F2: variants seen among roughly 807,000 people sequenced by gnomAD.
F2 encodes the protein coagulation factor II, thrombin, also known as prothrombin.
A neutral mutation model predicts 81.9 loss-of-function variants in F2; 34 were observed. That is an observed-to-expected ratio of 0.42 (90% CI 0.32 to 0.55). The LOEUF (loss-of-function observed/expected upper bound fraction) is 0.55. Among genes scored for constraint, F2 ranks in the 20% least tolerant of loss-of-function variants. F2 has a pLI of 0.18. For synonymous variants in F2, 296 were observed against 326.4 expected, an observed-to-expected ratio of 0.91 and a Z score of 1.01; for missense variants, 630 against 833.4, an observed-to-expected ratio of 0.76 and a Z score of 3.00.
chr11:46,723,299 C>T lies in F2; in HGVS notation c.422+14C>T, dbSNP rs770678289. 42 of 1,613,348 alleles carry T rather than the reference C, an allele frequency of 2.6e-5. No individual in the cohort carries two copies. In the Admixed American group the frequency reaches 4.0e-4, roughly 15 times the overall value. On this transcript the variant is annotated intron_variant, in intron 5 of 13. Transcript: ENST00000311907. The surrounding 1 kb of genome is among the most constrained non-coding windows in gnomAD (Gnocchi z 5.6). ...ACATAAGCCTGAGTGAGTGAGGGGC[C>T]GGCCTTCCCACCATGGGCTGAGAAC...
In F2 at chr11:46,728,664, G is replaced by C; in HGVS notation, c.1299G>C (p.Arg433Ser). The C allele has an allele frequency of 6.2e-7, 1 of 1,614,174 alleles. No homozygotes were observed. Among genetic ancestry groups the C allele is most frequent in the Non-Finnish European group, 8.5e-7 (1 of 1,180,034 alleles). ...CATTTCTTTCTTGGGGTCTCTGCAG[G>C]TACGAGCGAAACATTGAAAAGATAT... ...LVRIGKHSRT[R>S]YERNIEKISM... Residue 433 changes from arginine (R) to serine (S), a missense_variant and splice_region_variant, in exon 11 of 14, where the codon AGG becomes AGC. By Grantham distance (110) the Arg-to-Ser change is moderately radical. Coordinates refer to ENST00000311907, the MANE Select transcript of F2 (RefSeq NM_000506.5). The surrounding 1 kb of genome is among the most constrained non-coding windows in gnomAD (Gnocchi z 5.1).
intron 12 of F2, among the ~76,000 whole-genome samples, chr11:46,734,007 C>T (rs1480452641): frequency 6.6e-6 from 1 of 151,798 alleles, no homozygotes; most frequent in Admixed American, 6.6e-5. Context: ...AGGCTGGTCT[C>T]GAACTCCTTA....
chr11:46,738,432 A>C (rs887315925), intron 12 of F2, among the ~76,000 whole-genome samples: 1 of 151,848 alleles, frequency 6.6e-6, no homozygotes, highest in Non-Finnish European at 1.5e-5. Flanking sequence ...CTAACTTTTT[A>C]ATTTTTTAAT....
chr11:46,720,119 G>A, intron 2 of F2: 1 of 587,998 alleles, frequency 1.7e-6, no homozygotes. Context: ...ACCTGCCCTG[G>A]AGCTCTGTGT....
intron 12 of F2, 38 bp from the exon 13 acceptor site, chr11:46,739,010 G>A: frequency 6.2e-7 from 1 of 1,608,846 alleles, no homozygotes; most frequent in Non-Finnish European, 8.5e-7. Context: ...TGGGCTATGA[G>A]CTATGCTCCT....
chr11:46,729,315 G>C, intron 11 of F2, 65 bp from the exon 12 acceptor site: 1 of 1,548,282 alleles, frequency 6.5e-7, no homozygotes, highest in Non-Finnish European at 8.9e-7. Flanking sequence ...TCTAAGAAAT[G>C]GCGTTGGGGC....
chr11:46,725,777 A>G (rs910586958), intron 6 of F2, 82 bp from the exon 7 acceptor site: 63 of 1,493,460 alleles, frequency 4.2e-5, no homozygotes, highest in Admixed American at 1.3e-4. Context: ...GAAAGCAGCA[A>G]GACCGGGGTT....
In F2 at chr11:46,728,814, G is replaced by A. The variant is rs770910701; in HGVS notation, c.1449G>A (p.Leu483=). ...AFSDYIHPVC[L]PDRETAASLL... ...GTGACTACATTCACCCTGTGTGTCT[G>A]CCCGACAGGGAGACGGCAGCCAGGT... Residue 483 remains leucine (L), a synonymous_variant, in exon 11 of 14, where the codon CTG becomes CTA. Transcript: ENST00000311907. The surrounding 1 kb of genome is among the most constrained non-coding windows in gnomAD (Gnocchi z 5.1). The A allele has an allele frequency of 8.7e-6, 14 of 1,614,066 alleles. No homozygotes were observed. The South Asian group carries it at 1.5e-4, about 18-fold the overall frequency.
intron 12 of F2, among the ~76,000 whole-genome samples, chr11:46,734,670 G>A (rs1295980772): frequency 6.6e-6 from 1 of 152,092 alleles, no homozygotes; most frequent in Non-Finnish European, 1.5e-5. Flanking sequence ...AATTAGCTGG[G>A]CGTGGTGGCT....
Position 46,739,293 on chromosome 11 carries a change from T to C in F2, c.1754T>C (p.Met585Thr), listed in dbSNP as rs370229832. The C allele has an allele frequency of 2.2e-5, 35 of 1,614,022 alleles. No individual in the cohort carries two copies. Among genetic ancestry groups the C allele is most frequent in the East Asian group, 1.3e-4 (6 of 44,892 alleles). ...KSPFNNRWYQ[M>T]GIVSWGEGCD... The stretch of plus-strand genomic sequence containing the variant: ...CCCTTTAACAACCGCTGGTATCAAA[T>C]GGGCATCGTCTCATGGGGTGAAGGC... Residue 585 changes from methionine to threonine, a missense_variant, in exon 14 of 14, where the codon ATG (methionine) becomes ACG (threonine). Transcript: ENST00000311907.
intron 6 of F2, among the ~76,000 whole-genome samples, chr11:46,725,109 A>C (rs1440087625): frequency 1.1e-5 from 1 of 94,944 alleles, no homozygotes; most frequent in African/African-American, 4.3e-5. Context: ...TCACTCTGTC[A>C]CCCAGGCTGG....
At chr11:46,731,087 T>A (rs1303095104) in intron 12 of F2, among the ~76,000 whole-genome samples, 1 of 152,142 alleles carries the variant, frequency 6.6e-6, no homozygotes, top group Non-Finnish European at 1.5e-5. Flanking sequence ...TAGCTAATTT[T>A]TGTATTTGTA....
Position 46,726,217 on chromosome 11 carries a change from T to C in F2, c.874+44T>C, listed in dbSNP as rs781689523. Reference sequence around the variant, plus strand: ...GGGCCTGAGTTGCAGGGACAAATCCTGGTGGGAATAACAACAGCCGCTTCT... The same window carrying C: ...GGGCCTGAGTTGCAGGGACAAATCCCGGTGGGAATAACAACAGCCGCTTCT... On this transcript the variant is annotated intron_variant, in intron 7 of 13. Coordinates refer to ENST00000311907, the MANE Select transcript of F2 (RefSeq NM_000506.5). The surrounding 1 kb of genome is among the most constrained non-coding windows in gnomAD (Gnocchi z 5.9). 22 of 1,606,588 alleles carry C rather than the reference T, an allele frequency of 1.4e-5. No individual in the cohort carries two copies. The South Asian group carries it at 2.4e-4, about 18-fold the overall frequency.
intron 3 of F2, 52 bp downstream of exon 3, chr11:46,720,599 G>T: frequency 6.2e-7 from 1 of 1,607,790 alleles, no homozygotes; most frequent in South Asian, 1.1e-5. Flanking sequence ...GGACCCCAGT[G>T]AGAGAATTCT....
chr11:46,726,067 G>A lies in F2; in HGVS notation c.768G>A (p.Gln256=). 1 of 1,614,216 alleles carries A rather than the reference G, an allele frequency of 6.2e-7. No individual in the cohort carries two copies. The highest frequency in any genetic ancestry group is 8.5e-7 in the Non-Finnish European group (1 of 1,180,034). Residue 256 remains glutamine, a synonymous_variant, in exon 7 of 14, where the codon CAG becomes CAA. Coordinates refer to ENST00000311907, the MANE Select transcript of F2 (RefSeq NM_000506.5). This position sits in a 1 kb window ranked among gnomAD's most constrained non-coding sequence, Gnocchi z 5.9. Reference sequence around the variant, plus strand: ...ACCAGGACTTCAACTCAGCTGTGCAGCTGGTGGAGAACTTCTGCCGCAACC... The same window carrying A: ...ACCAGGACTTCAACTCAGCTGTGCAACTGGTGGAGAACTTCTGCCGCAACC... The part of the protein sequence containing the change: ...SKHQDFNSAV[Q]LVENFCRNPD...
intron 12 of F2, among the ~76,000 whole-genome samples, chr11:46,730,273 G>A (rs2064903287): frequency 6.6e-6 from 1 of 152,096 alleles, no homozygotes; most frequent in African/African-American, 2.4e-5. Context: ...TTGCACTCCA[G>A]CTGGGCAACA....
At chr11:46,720,499 T>A (rs201962988) in intron 2 of F2, 24 bp from the exon 3 acceptor site, 21 of 1,613,922 alleles carry the variant, frequency 1.3e-5, no homozygotes, top group Non-Finnish European at 8.5e-7. Context: ...TGCCGTAGCC[T>A]CACTCCCAGC....
At chr11:46,725,303 C>T (rs914769177) in intron 6 of F2, among the ~76,000 whole-genome samples, 1 of 151,746 alleles carries the variant, frequency 6.6e-6, no homozygotes, top group Non-Finnish European at 1.5e-5. Context: ...TCCTGACCTC[C>T]GGTGATCTGC....
rs201347110 is a variant in F2, at chr11:46,720,543, C to T, written c.261C>T (p.Tyr87=). 4.6e-5 allele frequency: 75 copies of T among 1,614,140 alleles called. 1 individual carries two copies. In the East Asian group the frequency reaches 1.5e-3, roughly 32 times the overall value. ...TTCAGGATGTGTTCTGGGCCAAGTA[C>T]ACAGGTGAGCACCGGGAAGGATTTG... ...STATDVFWAK[Y]TACETARTPR... is the part of the protein sequence containing the mutation. Residue 87 remains tyrosine (Y), a synonymous_variant, in exon 3 of 14, where the codon TAC becomes TAT. Coordinates refer to ENST00000311907, the MANE Select transcript of F2 (RefSeq NM_000506.5).
Sources: gnomAD v4.1 joint callset for allele counts (sites outside exome capture counted in the v4.1 genomes callset) on GRCh38, gnomAD v4.1.1 for gene constraint, Gnocchi (gnomAD v3.1) non-coding constraint, MANE v1.5 for transcripts, NCBI Gene and HGNC (gene_info 2026-07-23, HGNC 2026-07-21) for gene names.